The following KCNT1 variants were observed in gnomAD, a reference collection of about 807,000 sequenced individuals.
KCNT1 encodes potassium channel subfamily T member 1.
In KCNT1, 78 loss-of-function variants were observed where a neutral mutation model predicts 147.8. That is an observed-to-expected ratio of 0.53 (90% confidence interval 0.44 to 0.64). KCNT1 has a LOEUF of 0.64. Among genes scored for constraint, KCNT1 ranks in the 30% least tolerant of loss-of-function variants. KCNT1 has a pLI of 0.00. For synonymous variants in KCNT1, 867 were observed against 748.8 expected (o/e 1.16, Z -2.58); for missense variants, 1,419 against 1,750.3 (o/e 0.81, Z 3.38).
In KCNT1 at chr9:135,713,860, A is replaced by T. The variant is rs183903876; in HGVS notation, c.111-717A>T. ...ACTGCAGACCACCAGGGGTCCTCCCACTCTACCTGGTGTGCCACGATGCCC... is the reference window on the plus strand; with the variant it reads ...ACTGCAGACCACCAGGGGTCCTCCCTCTCTACCTGGTGTGCCACGATGCCC... On this transcript the variant is annotated intron_variant, in intron 1 of 30. Transcript: ENST00000371757. Among the ~76,000 whole-genome samples, 296 of 151,600 alleles carry T rather than the reference A, an allele frequency of 2.0e-3. 1 individual carries two copies. Among genetic ancestry groups the T allele is most frequent in the African/African-American group, 6.6e-3 (274 of 41,342 alleles).
At chr9:135,768,807 G>C (rs780944161) in intron 14 of KCNT1, 22 bp from the exon 15 acceptor site, 4 of 1,602,466 alleles carry the variant, frequency 2.5e-6, no homozygotes, top group Non-Finnish European at 1.7e-6. Context: ...CGTCTGCACT[G>C]ACCAACCACC....
chr9:135,723,740 T>C (rs1588267665), intron 2 of KCNT1, among the ~76,000 whole-genome samples: 1 of 152,306 alleles, frequency 6.6e-6, no homozygotes, highest in East Asian at 1.9e-4. Flanking sequence ...TTGTTACTGA[T>C]GATTCTGCCA....
chr9:135,742,681 C>A (rs1830626567), intron 2 of KCNT1: 2 of 713,008 alleles, frequency 2.8e-6, no homozygotes, highest in African/African-American at 3.5e-5. Context: ...CTGTCTACTG[C>A]CTTCTCCATC....
chr9:135,753,771 C>A, intron 4 of KCNT1, 166 bp from the exon 5 acceptor site: 1 of 664,098 alleles, frequency 1.5e-6, no homozygotes, highest in South Asian at 1.7e-5. Context: ...GGGGAGGGGG[C>A]AGGCTGCCTT....
intron 2 of KCNT1, among the ~76,000 whole-genome samples, chr9:135,738,535 T>C (rs1830433962): frequency 6.6e-6 from 1 of 152,158 alleles, no homozygotes; most frequent in African/African-American, 2.4e-5. Context: ...AGCTGCCTCA[T>C]CCTGCAGGCC....
chr9:135,716,888 G>A (rs181304294), intron 2 of KCNT1, among the ~76,000 whole-genome samples: 1 of 152,338 alleles, frequency 6.6e-6, no homozygotes, highest in Non-Finnish European at 1.5e-5. Context: ...TAGAGCTTCG[G>A]GGCTGTGTGG....
At position 135,702,225 on chromosome 9, in the gene KCNT1, T is replaced by C; in HGVS notation, c.-34T>C. The C allele has an allele frequency of 6.6e-7, 1 of 1,504,996 alleles. No homozygotes were observed. Among genetic ancestry groups the C allele is most frequent in the Non-Finnish European group, 9.2e-7 (1 of 1,090,902 alleles). The allele number at this position is 1,504,996 out of a possible 1,614,324, so 93.2% of individuals were successfully genotyped here. On this transcript the variant is annotated 5_prime_UTR_variant, in exon 1 of 31. Transcript: ENST00000371757. ...AAGAAGGTGGCGGCTCCCACTCGCT[T>C]CTCCCTCGGGTCGGGTCCGAGCTGC...
At chr9:135,779,267 T>G in intron 23 of KCNT1, 92 bp from the exon 24 acceptor site, 8 of 228,684 alleles carry the variant, frequency 3.5e-5, no homozygotes, top group Non-Finnish European at 5.4e-5. Context: ...GACCCCGCCC[T>G]GAGACCCCCA....
In KCNT1 at chr9:135,750,120, A is replaced by G; in HGVS notation, c.277A>G (p.Asn93Asp). The G allele has an allele frequency of 1.2e-6, 2 of 1,613,820 alleles. No individual in the cohort carries two copies. Among genetic ancestry groups the G allele is most frequent in the Non-Finnish European group, 1.7e-6 (2 of 1,179,952 alleles). The change falls in exon 3 of 31, where the codon AAC (asparagine) becomes GAC (aspartate). Residue 93 changes from asparagine to aspartate, a missense_variant. Asn to Asp is a conservative substitution (Grantham distance 23, BLOSUM62 1). This residue lies in a region of KCNT1 where 181 missense variants were observed against 155.7 expected (regional missense o/e 1.16). Coordinates refer to ENST00000371757, the MANE Select transcript of KCNT1 (RefSeq NM_020822.3). Reference protein sequence around the residue: ...DDRVQVEFYVNENTFKERLKL... With the variant: ...DDRVQVEFYVDENTFKERLKL... ...CAGGGTCCAGGTGGAGTTCTACGTC[A>G]ACGAGAACACCTTCAAGGAGCGGCT...
chr9:135,777,547 G>A (rs769889012), intron 21 of KCNT1, 37 bp downstream of exon 21: 39 of 1,132,022 alleles, frequency 3.4e-5, no homozygotes, highest in Admixed American at 2.2e-4. Flanking sequence ...CCGCCCACCC[G>A]GGCCCTCAGA....
intron 2 of KCNT1, among the ~76,000 whole-genome samples, chr9:135,732,793 C>T (rs1338618041): frequency 6.6e-6 from 1 of 151,128 alleles, no homozygotes; most frequent in Non-Finnish European, 1.5e-5. Flanking sequence ...TCTCTCTTCT[C>T]TTTTTTCTCC....
intron 1 of KCNT1, among the ~76,000 whole-genome samples, chr9:135,709,572 C>T (rs1228974391): frequency 2.6e-5 from 4 of 152,326 alleles, no homozygotes; most frequent in African/African-American, 4.8e-5. Flanking sequence ...CGATCACTGG[C>T]GCAGGAGACC....
chr9:135,712,057 G>C (rs115148606), intron 1 of KCNT1, among the ~76,000 whole-genome samples: 3,505 of 152,296 alleles, frequency 0.023, 113 homozygotes, highest in East Asian at 0.14. Flanking sequence ...TCATGCCAGC[G>C]GGACTCTTGC....
At chr9:135,785,508 C>T in intron 28 of KCNT1, 178 bp downstream of exon 28, 4 of 768,040 alleles carry the variant, frequency 5.2e-6, no homozygotes, top group South Asian at 1.6e-5. Context: ...AGGCTGTTGA[C>T]ACTCACTCCC....
chr9:135,783,328 A>T (rs1044565124), intron 24 of KCNT1, among the ~76,000 whole-genome samples: 7 of 152,260 alleles, frequency 4.6e-5, no homozygotes, highest in Admixed American at 3.9e-4. Flanking sequence ...CAGAAGAGGG[A>T]AGAGGGAGCC....
At chr9:135,734,967 A>G (rs1748253833) in intron 2 of KCNT1, among the ~76,000 whole-genome samples, 1 of 152,208 alleles carries the variant, frequency 6.6e-6, no homozygotes, top group Non-Finnish European at 1.5e-5. Context: ...CTCACAGCAC[A>G]GCATGGGGCT....
rs758602991 is a variant in KCNT1 at position 135,714,685 on chromosome 9, G to A, written c.219G>A (p.Leu73=). The change falls in exon 2 of 31, where the codon CTG becomes CTA. Residue 73 remains leucine, a synonymous_variant. Coordinates refer to ENST00000371757, the MANE Select transcript of KCNT1 (RefSeq NM_020822.3). This position sits in a 1 kb window ranked among gnomAD's most constrained non-coding sequence, Gnocchi z 6.2. ...PLPPRYRFRD[L]LLGDPSFQND... ...CGCCGCGCTACCGCTTCCGGGACCT[G>A]CTGCTGGGCGACCCGTCCTTCCAGA... The A allele has an allele frequency of 4.7e-6, 7 of 1,474,066 alleles. No homozygotes were observed. Among genetic ancestry groups the A allele is most frequent in the Non-Finnish European group, 6.4e-6 (7 of 1,102,274 alleles). 91.3% of individuals were successfully genotyped at this position (1,474,066 alleles called of 1,614,324 possible). A position where few individuals can be genotyped will look rare whatever the true frequency, so the allele number is the denominator to read the frequency against.
chr9:135,725,771 G>T (rs1836112723), intron 2 of KCNT1, among the ~76,000 whole-genome samples: 1 of 152,236 alleles, frequency 6.6e-6, no homozygotes, highest in Admixed American at 6.5e-5. Context: ...GGTCCAGGCG[G>T]ACAGAGTCTG....
At chr9:135,772,662 C>T (rs1045329995) in intron 18 of KCNT1, 53 bp from the exon 19 acceptor site, 37 of 1,302,940 alleles carry the variant, frequency 2.8e-5, no homozygotes, top group African/African-American at 7.7e-5. Context: ...GGGAACTCGC[C>T]GCCCATGGAG....
Sources: gnomAD v4.1 joint callset for allele counts (sites outside exome capture counted in the v4.1 genomes callset) on GRCh38, gnomAD v4.1.1 for gene constraint, gnomAD v4.1.1 regional missense constraint, Gnocchi (gnomAD v3.1) non-coding constraint, MANE v1.5 for transcripts, NCBI Gene and HGNC (gene_info 2026-07-23, HGNC 2026-07-21) for gene names.